PAH: variants seen among roughly 807,000 people sequenced by gnomAD.
PAH encodes phenylalanine hydroxylase.
Under a neutral mutation model 62.0 loss-of-function variants are expected in PAH, and 64 were observed. That is an observed-to-expected ratio of 1.03 (90% CI 0.84 to 1.27). The LOEUF is 1.27. PAH is among the 50% of genes most tolerant of loss of function. The pLI is 0.00. For synonymous variants in PAH, 195 were observed against 196.2 expected (o/e 0.99, Z 0.05); for missense variants, 579 against 542.8 (o/e 1.07, Z -0.66).
intron 2 of PAH, among the ~76,000 whole-genome samples, chr12:102,897,450 T>C (rs1877549857): frequency 2.6e-5 from 3 of 114,284 alleles, no homozygotes. Context: ...CTCTCATATA[T>C]ATGTGTGTGT....
intron 4 of PAH, among the ~76,000 whole-genome samples, chr12:102,875,398 G>C (rs915819358): frequency 1.3e-5 from 2 of 152,214 alleles, no homozygotes; most frequent in Admixed American, 6.5e-5. Context: ...TGCCGGTTTG[G>C]GGCAGGAAGA....
intron 11 of PAH, among the ~76,000 whole-genome samples, chr12:102,841,018 A>G (rs983857055): frequency 6.6e-6 from 1 of 152,216 alleles, no homozygotes; most frequent in Non-Finnish European, 1.5e-5. Context: ...TAACTGTCCA[A>G]TGCTCTTTAC....
chr12:102,899,626 G>A (rs1272912568), intron 2 of PAH, among the ~76,000 whole-genome samples: 4 of 151,592 alleles, frequency 2.6e-5, no homozygotes, highest in Admixed American at 1.3e-4. Context: ...TTGGGAGGCC[G>A]AGGCGGGCGG....
intron 1 of PAH, among the ~76,000 whole-genome samples, chr12:102,943,088 TA>T (rs1390829967): frequency 3.9e-5 from 6 of 151,960 alleles, no homozygotes; most frequent in Non-Finnish European, 8.8e-5. Flanking sequence ...TTAATTAAAC[TA>T]AAGAGCTTCA....
chr12:102,894,744 T>C lies in PAH; in HGVS notation c.343A>G (p.Lys115Glu), dbSNP rs1877422348. ...TTCCTCTAATTCTTACCTGTGTCTT[T>C]CTTCTTATCTCGTGAAAGCTCATGG... is the stretch of plus-strand genomic sequence containing the variant. ...TVHELSRDKK[K>E]DTVPWFPRTI... is the part of the protein sequence containing the mutation. The change falls in exon 3 of 13, where the codon AAA (lysine) becomes GAA (glutamate). Residue 115 changes from lysine to glutamate, a missense_variant. Transcript: ENST00000553106. 1.9e-6 allele frequency: 3 copies of C among 1,613,938 alleles called. 1 individual carries two copies. The South Asian group carries it at 3.3e-5, about 18-fold the overall frequency.
At chr12:102,907,601 T>C (rs1878026864) in intron 2 of PAH, among the ~76,000 whole-genome samples, 1 of 151,998 alleles carries the variant, frequency 6.6e-6, no homozygotes, top group Non-Finnish European at 1.5e-5. Flanking sequence ...TTTTCCTTCT[T>C]TTCTTTTCTT....
At chr12:102,852,768 T>C (rs1188352652) in intron 7 of PAH, 47 bp downstream of exon 7, 2 of 1,613,092 alleles carry the variant, frequency 1.2e-6, no homozygotes, top group African/African-American at 1.3e-5. Context: ...CAGGAAAAGA[T>C]GGCGCTCATT....
intron 4 of PAH, among the ~76,000 whole-genome samples, chr12:102,868,176 G>GTA (rs201396594): frequency 0.14 from 326 of 2,330 alleles, 33 homozygotes; most frequent in Middle Eastern, 0.38. Flanking sequence ...ACATATATGT[G>GTA]TATATATATA....
At chr12:102,923,233 T>G (rs557162706) in intron 1 of PAH, among the ~76,000 whole-genome samples, 3 of 152,210 alleles carry the variant, frequency 2.0e-5, no homozygotes, top group African/African-American at 4.8e-5. Flanking sequence ...TGATAATGCC[T>G]GCGTGAATGA....
At chr12:102,881,440 T>C (rs1876810192) in intron 3 of PAH, among the ~76,000 whole-genome samples, 1 of 152,180 alleles carries the variant, frequency 6.6e-6, no homozygotes, top group African/African-American at 2.4e-5. Flanking sequence ...TCATCTCATG[T>C]AGTCATTTTT....
intron 1 of PAH, among the ~76,000 whole-genome samples, chr12:102,939,712 T>A (rs531927780): frequency 1.1e-4 from 17 of 152,284 alleles, no homozygotes; most frequent in African/African-American, 3.6e-4. Flanking sequence ...ACCCCACCCG[T>A]AGGTGATGAT....
chr12:102,923,507 C>T (rs1163640768), intron 1 of PAH: 2 of 152,156 alleles, frequency 1.3e-5, no homozygotes, highest in Non-Finnish European at 2.9e-5. Flanking sequence ...AAATTTATTG[C>T]TGTGGGACCA....
intron 4 of PAH, among the ~76,000 whole-genome samples, chr12:102,875,276 G>A (rs1190104207): frequency 1.3e-5 from 2 of 152,186 alleles, no homozygotes; most frequent in Non-Finnish European, 2.9e-5. Context: ...TTTAAAGCCA[G>A]TGCCAGCTGC....
At chr12:102,899,268 T>C (rs1877638185) in intron 2 of PAH, among the ~76,000 whole-genome samples, 1 of 151,910 alleles carries the variant, frequency 6.6e-6, no homozygotes, top group African/African-American at 2.4e-5. Context: ...GCACGCTTAT[T>C]TGTGGGAGAG....
intron 11 of PAH, among the ~76,000 whole-genome samples, chr12:102,842,908 G>A (rs934650961): frequency 1.3e-5 from 2 of 152,132 alleles, no homozygotes; most frequent in Non-Finnish European, 2.9e-5. Context: ...AACATACAGT[G>A]AGTATTAGGA....
intron 5 of PAH, among the ~76,000 whole-genome samples, chr12:102,859,496 C>A (rs1434026301): frequency 6.6e-6 from 1 of 152,204 alleles, no homozygotes; most frequent in Non-Finnish European, 1.5e-5. Flanking sequence ...CATCCTGATA[C>A]CAAAGCCTGG....
chr12:102,904,757 G>A (rs992126108), intron 2 of PAH: 3 of 512,152 alleles, frequency 5.9e-6, no homozygotes, highest in Non-Finnish European at 1.2e-5. Flanking sequence ...TTTCATCTAT[G>A]GCTTGCTTCT....
At chr12:102,856,172 C>T (rs2136650829) in intron 5 of PAH, among the ~76,000 whole-genome samples, 1 of 151,834 alleles carries the variant, frequency 6.6e-6, no homozygotes, top group Admixed American at 6.5e-5. Flanking sequence ...TATAAAATGC[C>T]TCATACCTTC....
Position 102,957,366 on chromosome 12 carries a change from G to A in PAH, c.-96+829C>T, listed in dbSNP as rs1403107450. Among the ~76,000 whole-genome samples the A allele has an allele frequency of 6.6e-6, 1 of 152,090 alleles. No homozygotes were observed. The highest frequency in any genetic ancestry group is 2.4e-5 in the African/African-American group (1 of 41,404). ...CCCCTTCCTAAAGCCACCCCCGGCAGCAGCCCGCCCCGAGCGCGCCGCCTG... is the reference window on the plus strand; with the variant it reads ...CCCCTTCCTAAAGCCACCCCCGGCAACAGCCCGCCCCGAGCGCGCCGCCTG... On this transcript the variant is annotated intron_variant, in intron 1 of 4. Coordinates refer to the PAH transcript ENST00000551337. The surrounding 1 kb of genome is among the most constrained non-coding windows in gnomAD (Gnocchi z 4.1).
Sources: gnomAD v4.1 joint callset for allele counts (sites outside exome capture counted in the v4.1 genomes callset) on GRCh38, gnomAD v4.1.1 for gene constraint, Gnocchi (gnomAD v3.1) non-coding constraint, MANE v1.5 for transcripts, NCBI Gene and HGNC (gene_info 2026-07-23, HGNC 2026-07-21) for gene names.